Variants in GFPT1 observed in about 807,000 individuals in gnomAD.
GFPT1 encodes the protein glutamine--fructose-6-phosphate transaminase 1.
In GFPT1, 40 loss-of-function variants were observed where a neutral mutation model predicts 92.0. The ratio of observed to expected loss-of-function variants is 0.43; its 90% CI spans 0.34 to 0.57. The LOEUF is 0.57. Among genes scored for constraint, GFPT1 ranks in the 20% least tolerant of loss-of-function variants. The pLI, the probability that GFPT1 is intolerant of heterozygous loss-of-function variation, is 0.02. For synonymous variants in GFPT1, 269 were observed against 280.6 expected (o/e 0.96, Z 0.41); for missense variants, 448 against 869.1 (o/e 0.52, Z 6.09).
chr2:69,333,090 G>T (rs576840761), intron 15 of GFPT1, among the ~76,000 whole-genome samples: 1 of 151,910 alleles, frequency 6.6e-6, no homozygotes, highest in South Asian at 2.1e-4. Flanking sequence ...CTCTGCCTCC[G>T]AGACTAATGA....
At position 69,354,499 on chromosome 2, in the gene GFPT1, G is replaced by A. The variant is rs78952091; in HGVS notation, c.675C>T (p.Leu225=). The A allele has an allele frequency of 0.014, 21,841 of 1,584,282 alleles. 1,385 individuals are homozygous for A. The East Asian group carries it at 0.19, about 14-fold the overall frequency. ...HKLSTDHIPI[L]YRTARTQIGS... is the part of the protein sequence containing the mutation. ...TAGAGGTAATTTTACCTGTTCTGTA[G>A]AGTATAGGAATGTGATCAGTAGAAA... The change falls in exon 8 of 20, where the codon CTC becomes CTT. Residue 225 remains leucine (L), a synonymous_variant. Transcript: ENST00000357308.
intron 2 of GFPT1, among the ~76,000 whole-genome samples, chr2:69,370,474 G>C (rs1338384502): frequency 6.6e-6 from 1 of 152,208 alleles, no homozygotes; most frequent in Non-Finnish European, 1.5e-5. Flanking sequence ...GAAGGTCACA[G>C]AATACATCTC....
chr2:69,355,978 GCTTT>G (rs1294021960), intron 7 of GFPT1, among the ~76,000 whole-genome samples: 3 of 130,352 alleles, frequency 2.3e-5, no homozygotes, highest in Non-Finnish European at 4.8e-5. Flanking sequence ...AAATATATTT[GCTTT>G]CTTTTTTTTT....
chr2:69,362,107 G>C (rs147436714), intron 4 of GFPT1, among the ~76,000 whole-genome samples: 16 of 152,090 alleles, frequency 1.1e-4, no homozygotes, highest in African/African-American at 3.9e-4. Flanking sequence ...TGTTACCTAC[G>C]AGGGGAATAA....
At chr2:69,341,963 C>T (rs1029152419) in intron 13 of GFPT1, among the ~76,000 whole-genome samples, 189 bp downstream of exon 13, 6 of 152,156 alleles carry the variant, frequency 3.9e-5, no homozygotes, top group Non-Finnish European at 7.3e-5. Flanking sequence ...ACCTTTTCTA[C>T]AGATCTTCCA....
rs780340372 is a variant in GFPT1, at chr2:69,328,700, C to CTTTTTT, written c.1726-263_1726-262insAAAAAA. Among the ~76,000 whole-genome samples, 3 of 99,928 alleles carry CTTTTTT rather than the reference C, an allele frequency of 3.0e-5. 1 individual carries two copies. The highest frequency in any genetic ancestry group is 3.8e-5 in the Non-Finnish European group (2 of 52,706). 65.6% of individuals were successfully genotyped at this position (99,928 alleles called of 152,430 possible). On this transcript the variant is annotated intron_variant, in intron 17 of 19. Transcript: ENST00000357308. The stretch of plus-strand genomic sequence containing the variant: ...AAACATATTCATATTTCTGGTTAAC[C>CTTTTTT]CTTTTTTTTTTTTTTTTTAAGACAG...
rs771184453 is a variant in GFPT1 at position 69,354,324 on chromosome 2, C to T, written c.686-12G>A. The stretch of plus-strand genomic sequence containing the variant: ...AATCTGAGTCCTAGCTAAGGATACA[C>T]AACAGAAAAAAATTCTAATCATCAG... On this transcript the variant is annotated splice_polypyrimidine_tract_variant and intron_variant, in intron 8 of 19. Coordinates refer to ENST00000357308, the MANE Select transcript of GFPT1 (RefSeq NM_001244710.2). The T allele has an allele frequency of 5.7e-6, 9 of 1,585,068 alleles. No individual in the cohort carries two copies. Among genetic ancestry groups the T allele is most frequent in the Non-Finnish European group, 7.7e-6 (9 of 1,169,548 alleles).
chr2:69,362,654 G>A (rs1294883474), intron 4 of GFPT1, among the ~76,000 whole-genome samples: 4 of 151,660 alleles, frequency 2.6e-5, no homozygotes, highest in Admixed American at 6.6e-5. Context: ...AAAATTACCC[G>A]GGTGTAGTGG....
intron 4 of GFPT1, among the ~76,000 whole-genome samples, chr2:69,362,160 C>T (rs1671489916): frequency 6.6e-6 from 1 of 152,142 alleles, no homozygotes; most frequent in Non-Finnish European, 1.5e-5. Context: ...GAGACAGTCT[C>T]ACTCTGTCAC....
chr2:69,321,925 A>C lies in GFPT1; in HGVS notation c.*4264T>G, dbSNP rs1670410558. The stretch of plus-strand genomic sequence containing the variant: ...AGCATAATTTTACAATCGTACTTTC[A>C]CTATGATTTTTATTTTAACCCTGGA... On this transcript the variant is annotated 3_prime_UTR_variant, in exon 20 of 20. Transcript: ENST00000357308. 6.6e-6 allele frequency: 1 copy of C among 152,168 alleles called. No homozygotes were observed. Among genetic ancestry groups the C allele is most frequent in the South Asian group, 2.1e-4 (1 of 4,830 alleles). 9.4% of individuals were successfully genotyped at this position (152,168 alleles called of 1,614,324 possible).
intron 12 of GFPT1, among the ~76,000 whole-genome samples, chr2:69,342,763 T>C (rs1161090004): frequency 3.9e-5 from 6 of 152,202 alleles, no homozygotes; most frequent in African/African-American, 1.4e-4. Flanking sequence ...TTTTATTATA[T>C]CTAATTATGT....
At chr2:69,367,185 T>C (rs1671631105) in intron 3 of GFPT1, among the ~76,000 whole-genome samples, 1 of 152,238 alleles carries the variant, frequency 6.6e-6, no homozygotes, top group Non-Finnish European at 1.5e-5. Context: ...ACTATGATTA[T>C]GTTAACATGA....
chr2:69,377,498 T>A (rs58845788), intron 1 of GFPT1, among the ~76,000 whole-genome samples: 94,743 of 141,390 alleles, frequency 0.67, 32,851 homozygotes, highest in African/African-American at 0.89. Flanking sequence ...AAAATAAAAA[T>A]AAAAAAAAAA....
chr2:69,344,418 T>C (rs1558745067), intron 12 of GFPT1, among the ~76,000 whole-genome samples: 1 of 152,040 alleles, frequency 6.6e-6, no homozygotes, highest in Non-Finnish European at 1.5e-5. Context: ...CCTTTTGAGA[T>C]GAGGTAAGCC....
chr2:69,362,328 T>C (rs1237472672), intron 4 of GFPT1, among the ~76,000 whole-genome samples: 2 of 152,164 alleles, frequency 1.3e-5, no homozygotes, highest in African/African-American at 4.8e-5. Flanking sequence ...GATTTTGCCA[T>C]GTTGCTCAGG....
chr2:69,331,049 T>C (rs1670651901), intron 15 of GFPT1, among the ~76,000 whole-genome samples: 1 of 152,214 alleles, frequency 6.6e-6, no homozygotes, highest in Admixed American at 6.5e-5. Flanking sequence ...CAGAATTGTA[T>C]GTATTTCAAA....
chr2:69,359,328 TA>T lies in GFPT1; in HGVS notation c.350-3del. ...TTCCATTGTGAATAACGATAAATTC[TA>T]AAAGAGGTAAAAGTGTTGAAGACAA... On this transcript the variant is annotated splice_region_variant and splice_polypyrimidine_tract_variant and intron_variant, in intron 4 of 19. Transcript: ENST00000357308. 6.6e-7 allele frequency: 1 copy of T among 1,511,374 alleles called. No homozygotes were observed. Among genetic ancestry groups the T allele is most frequent in the Non-Finnish European group, 9.2e-7 (1 of 1,088,106 alleles). 93.6% of individuals were successfully genotyped at this position (1,511,374 alleles called of 1,614,324 possible).
chr2:69,374,331 T>TC (rs1372450183), intron 1 of GFPT1, among the ~76,000 whole-genome samples: 1 of 151,612 alleles, frequency 6.6e-6, no homozygotes, highest in Admixed American at 6.6e-5. Flanking sequence ...TTTTTTTTTT[T>TC]GAGACAGAGT....
Position 69,374,033 on chromosome 2 carries a change from G to A in GFPT1, c.88C>T (p.Leu30=), listed in dbSNP as rs1671813219. 1.3e-6 allele frequency: 2 copies of A among 1,572,894 alleles called. No homozygotes were observed. The highest frequency in any genetic ancestry group is 4.5e-5 in the East Asian group (2 of 44,468). The change falls in exon 2 of 20, where the codon CTG becomes TTG. Residue 30 remains leucine, a synonymous_variant. Transcript: ENST00000357308. ...LETLIKGLQR[L]EYRGYDSAGV... ...GCAGAATCATATCCTCTGTACTCCAGTCTCTGAAGGCCTTTGATTAGGGTC... is the reference window on the plus strand; with the variant it reads ...GCAGAATCATATCCTCTGTACTCCAATCTCTGAAGGCCTTTGATTAGGGTC...
Sources: allele counts gnomAD v4.1 joint callset (sites outside exome capture counted in the v4.1 genomes callset), GRCh38; gene constraint gnomAD v4.1.1; transcripts MANE v1.5; gene names NCBI Gene and HGNC (gene_info 2026-07-23, HGNC 2026-07-21).